POU2F1: variants seen among roughly 807,000 people sequenced by gnomAD.
POU2F1 encodes the protein POU domain, class 2, transcription factor 1.
POU2F1 carries 16 observed loss-of-function variants against 84.9 expected under a neutral mutation model. That is an observed-to-expected ratio of 0.19 (90% CI 0.13 to 0.29). The LOEUF is 0.29. Ranked by LOEUF, POU2F1 falls within the 10% of genes least tolerant of loss-of-function variation. The pLI, the probability that POU2F1 is intolerant of heterozygous loss-of-function variation, is 1.00. For missense variants in POU2F1, 738 were observed against 942.6 expected, an observed-to-expected ratio of 0.78 and a Z score of 2.84; for synonymous variants, 368 against 368.3, an observed-to-expected ratio of 1.00 and a Z score of 0.01.
At chr1:167,322,568 G>T (rs1656395297) in intron 1 of POU2F1, among the ~76,000 whole-genome samples, 1 of 152,236 alleles carries the variant, frequency 6.6e-6, no homozygotes, top group Non-Finnish European at 1.5e-5. Flanking sequence ...ACAGGGGTGA[G>T]GGAATGGCCT....
chr1:167,389,564 AT>A (rs759206987), intron 8 of POU2F1, 23 bp from the exon 9 acceptor site: 1 of 1,612,348 alleles, frequency 6.2e-7, no homozygotes, highest in Non-Finnish European at 8.5e-7. Flanking sequence ...GTTTTTCCTC[AT>A]TGTTTTATTC....
intron 1 of POU2F1, among the ~76,000 whole-genome samples, chr1:167,323,438 A>G (rs905469502): frequency 6.6e-6 from 1 of 152,204 alleles, no homozygotes; most frequent in African/African-American, 2.4e-5. Context: ...GCACAGGTTA[A>G]AAGAGACCAG....
At chr1:167,263,076 A>T (rs1488902280) in intron 1 of POU2F1, among the ~76,000 whole-genome samples, 1 of 152,242 alleles carries the variant, frequency 6.6e-6, no homozygotes, top group Admixed American at 6.5e-5. Flanking sequence ...TGAGAAAATG[A>T]AAGTGTTTTC....
At chr1:167,289,724 C>T (rs1383994678) in intron 1 of POU2F1, among the ~76,000 whole-genome samples, 1 of 152,188 alleles carries the variant, frequency 6.6e-6, no homozygotes, top group Non-Finnish European at 1.5e-5. Flanking sequence ...TTAGGAGTTA[C>T]ACTAACTTTT....
chr1:167,235,007 A>G (rs1229922445), intron 1 of POU2F1, among the ~76,000 whole-genome samples: 2 of 152,190 alleles, frequency 1.3e-5, no homozygotes, highest in Non-Finnish European at 2.9e-5. Context: ...TCCCATACCA[A>G]GCTGTTACTA....
At position 167,360,220 on chromosome 1, in the gene POU2F1, G is replaced by T. The variant is rs561490766; in HGVS notation, c.128-5247G>T. 6.1e-3 allele frequency among the ~76,000 whole-genome samples: 925 copies of T among 152,088 alleles called. 8 individuals are homozygous for T. Among genetic ancestry groups the T allele is most frequent in the Middle Eastern group, 0.048 (14 of 294 alleles). On this transcript the variant is annotated intron_variant, in intron 2 of 15. Coordinates refer to ENST00000367866, the MANE Select transcript of POU2F1 (RefSeq NM_002697.4). Reference sequence around the variant, plus strand: ...TAGTTTAATTAAATCCAAGTTGTCTGTTTTTATTTTTGTTGCGTTTGCTTT... The same window carrying T: ...TAGTTTAATTAAATCCAAGTTGTCTTTTTTTATTTTTGTTGCGTTTGCTTT...
intron 2 of POU2F1, among the ~76,000 whole-genome samples, chr1:167,364,210 A>G (rs1659519834): frequency 6.6e-6 from 1 of 152,232 alleles, no homozygotes; most frequent in South Asian, 2.1e-4. Flanking sequence ...TCCATAAATT[A>G]GCCCTATTCT....
At chr1:167,304,839 T>A (rs980675725) in intron 1 of POU2F1, among the ~76,000 whole-genome samples, 4 of 152,234 alleles carry the variant, frequency 2.6e-5, no homozygotes, top group African/African-American at 9.6e-5. Flanking sequence ...AAGCAATAAT[T>A]TATTTTCATA....
rs538018837 is a variant in POU2F1 at position 167,337,904 on chromosome 1, C to T, written c.127+5369C>T. On this transcript the variant is annotated intron_variant, in intron 2 of 15. Transcript: ENST00000367866. ...CAGTACTGTTTTGTGCAGATGCAAT[C>T]GGGTTTATGATCAGGACAGCCCTAT... is the stretch of plus-strand genomic sequence containing the variant. 2.9e-4 allele frequency: 99 copies of T among 344,836 alleles called. 3 individuals are homozygous for T. The highest frequency in any genetic ancestry group is 2.1e-3 in the South Asian group (91 of 44,244). The allele number at this position is 344,836 out of a possible 1,614,324, so 21.4% of individuals were successfully genotyped here.
chr1:167,297,602 C>T (rs562573765), intron 1 of POU2F1, among the ~76,000 whole-genome samples: 1 of 152,160 alleles, frequency 6.6e-6, no homozygotes, highest in Non-Finnish European at 1.5e-5. Context: ...AAATGCAGTT[C>T]ACTTCTGAGC....
intron 1 of POU2F1, among the ~76,000 whole-genome samples, chr1:167,314,789 G>T (rs1010153619): frequency 6.6e-6 from 1 of 151,986 alleles, no homozygotes; most frequent in African/African-American, 2.4e-5. Context: ...AAACAACAGC[G>T]AAATCCCTAA....
rs1227541597 is a variant in POU2F1 at position 167,418,238 on chromosome 1, T to C, written c.*2428T>C. ...AAAGTTGCTGCTTGTTTTTAATCTTTTATGTTGGTAAATTGTGATATCCTC... is the reference window on the plus strand; with the variant it reads ...AAAGTTGCTGCTTGTTTTTAATCTTCTATGTTGGTAAATTGTGATATCCTC... On this transcript the variant is annotated 3_prime_UTR_variant, in exon 16 of 16. Coordinates refer to ENST00000367866, the MANE Select transcript of POU2F1 (RefSeq NM_002697.4). 1.3e-5 allele frequency: 2 copies of C among 152,252 alleles called. No individual in the cohort carries two copies. The highest frequency in any genetic ancestry group is 4.8e-5 in the African/African-American group (2 of 41,466). The allele number at this position is 152,252 out of a possible 1,614,324, so 9.4% of individuals were successfully genotyped here.
intron 2 of POU2F1, among the ~76,000 whole-genome samples, chr1:167,339,191 A>G (rs997689356): frequency 6.6e-6 from 1 of 151,376 alleles, no homozygotes; most frequent in Non-Finnish European, 1.5e-5. Context: ...CCTCCCCTCA[A>G]CCCTGCTTCC....
Position 167,415,838 on chromosome 1 carries a change from CT to C in POU2F1, c.*33del, listed in dbSNP as rs1212598565. On this transcript the variant is annotated 3_prime_UTR_variant, in exon 16 of 16. Transcript: ENST00000367866. ...TGGGCAGAGCTGGGCTGCCAGAAGC[CT>C]TTTTCACTCTGCAGTGTGATTGGAC... is the stretch of plus-strand genomic sequence containing the variant. The C allele has an allele frequency of 1.3e-6, 2 of 1,569,854 alleles. No individual in the cohort carries two copies. The highest frequency in any genetic ancestry group is 1.7e-6 in the Non-Finnish European group (2 of 1,154,122).
At chr1:167,266,816 G>A (rs552990247) in intron 1 of POU2F1, among the ~76,000 whole-genome samples, 44 of 152,058 alleles carry the variant, frequency 2.9e-4, no homozygotes, top group Middle Eastern at 3.4e-3. Context: ...TAGAGATGGG[G>A]TTATATCGTG....
At chr1:167,397,916 T>A (rs1648925660) in intron 10 of POU2F1, 78 bp from the exon 11 acceptor site, 2 of 1,404,424 alleles carry the variant, frequency 1.4e-6, no homozygotes, top group Admixed American at 4.4e-5. Flanking sequence ...TTGTCAGTTT[T>A]GTTGTTAATA....
intron 1 of POU2F1, among the ~76,000 whole-genome samples, chr1:167,289,439 G>T (rs979175793): frequency 2.0e-5 from 3 of 152,182 alleles, no homozygotes; most frequent in African/African-American, 4.8e-5. Context: ...AAAATCAGGT[G>T]ATGTGATAGT....
intron 1 of POU2F1, among the ~76,000 whole-genome samples, chr1:167,222,804 A>C (rs560261790): frequency 6.6e-6 from 1 of 152,232 alleles, no homozygotes; most frequent in East Asian, 1.9e-4. Flanking sequence ...TAGGGGGAAA[A>C]ATCTGTCCTG....
At chr1:167,318,417 C>G (rs948055615) in intron 1 of POU2F1, among the ~76,000 whole-genome samples, 19 of 152,206 alleles carry the variant, frequency 1.2e-4, no homozygotes, top group Non-Finnish European at 2.5e-4. Context: ...TAAACATCCC[C>G]TTAGGGGACC....
Sources: gnomAD v4.1 joint callset for allele counts (sites outside exome capture counted in the v4.1 genomes callset) on GRCh38, gnomAD v4.1.1 for gene constraint, MANE v1.5 for transcripts, NCBI Gene and HGNC (gene_info 2026-07-23, HGNC 2026-07-21) for gene names.